The following NSMCE1 variants were observed in gnomAD, a reference collection of about 807,000 sequenced individuals.
The protein encoded by NSMCE1 is NSE1 component of SMC5/6 complex.
Under a neutral mutation model 29.6 loss-of-function variants are expected in NSMCE1, and 18 were observed. The observed-to-expected ratio is 0.61, with a 90% CI of 0.42 to 0.90. The LOEUF is 0.90. NSMCE1 is among the 40% of genes least tolerant of loss of function. NSMCE1 has a pLI of 0.00. For missense variants in NSMCE1, 314 were observed against 343.6 expected, an observed-to-expected ratio of 0.91 and a Z score of 0.68; for synonymous variants, 124 against 133.4, an observed-to-expected ratio of 0.93 and a Z score of 0.49.
intron 1 of NSMCE1, among the ~76,000 whole-genome samples, chr16:27,263,812 A>C (rs2084189948): frequency 6.6e-6 from 1 of 152,222 alleles, no homozygotes; most frequent in African/African-American, 2.4e-5. Flanking sequence ...TTATCTACTA[A>C]GTGACGTCTA....
chr16:27,251,885 T>A (rs1332200548), intron 2 of NSMCE1, among the ~76,000 whole-genome samples: 2 of 152,202 alleles, frequency 1.3e-5, no homozygotes, highest in African/African-American at 4.8e-5. Flanking sequence ...TGGTCCACCT[T>A]ATACTCCATT....
chr16:27,250,281 A>G (rs772532553), intron 2 of NSMCE1, among the ~76,000 whole-genome samples: 2 of 152,198 alleles, frequency 1.3e-5, no homozygotes, highest in Non-Finnish European at 2.9e-5. Context: ...CACTAGCTAG[A>G]ACAAAAGTGG....
rs2083772113 is a variant in NSMCE1, at chr16:27,232,451, G to A, written c.483+550C>T. Among the ~76,000 whole-genome samples, 1 of 152,176 alleles carries A rather than the reference G, an allele frequency of 6.6e-6. No individual in the cohort carries two copies. The highest frequency in any genetic ancestry group is 2.4e-5 in the African/African-American group (1 of 41,444). On this transcript the variant is annotated intron_variant, in intron 5 of 7. Transcript: ENST00000361439. This position sits in a 1 kb window ranked among gnomAD's most constrained non-coding sequence, Gnocchi z 4.5. ...CAGGTCTATGCCTCTTCTAAGCACT[G>A]GCCCTGAGGAACTCACTGCTGACAA... is the stretch of plus-strand genomic sequence containing the variant.
At chr16:27,260,382 T>C (rs1360067151) in intron 1 of NSMCE1, among the ~76,000 whole-genome samples, 1 of 151,896 alleles carries the variant, frequency 6.6e-6, no homozygotes, top group East Asian at 1.9e-4. Context: ...ATAGTGTATA[T>C]AATTTCCAAA....
intron 5 of NSMCE1, 54 bp from the exon 6 acceptor site, chr16:27,226,890 C>A: frequency 9.3e-7 from 1 of 1,076,424 alleles, no homozygotes. Context: ...TCCCCATTCA[C>A]CACCTCTCTT....
intron 1 of NSMCE1, among the ~76,000 whole-genome samples, chr16:27,264,799 C>T (rs2084202746): frequency 6.6e-6 from 1 of 152,020 alleles, no homozygotes; most frequent in Admixed American, 6.6e-5. Context: ...AATTAAGGGC[C>T]TCTATTCACC....
At chr16:27,257,077 A>G (rs2084095720) in intron 2 of NSMCE1, among the ~76,000 whole-genome samples, 1 of 152,060 alleles carries the variant, frequency 6.6e-6, no homozygotes, top group Non-Finnish European at 1.5e-5. Flanking sequence ...TCTTGTACAT[A>G]TCATGTCTCT....
At chr16:27,229,111 G>A (rs1261976374) in intron 5 of NSMCE1, among the ~76,000 whole-genome samples, 2 of 152,142 alleles carry the variant, frequency 1.3e-5, no homozygotes, top group East Asian at 1.9e-4. Context: ...GCTGCCCTCC[G>A]TCTGCTCGCC....
chr16:27,232,634 A>C lies in NSMCE1; in HGVS notation c.483+367T>G, dbSNP rs572883134. Among the ~76,000 whole-genome samples the C allele has an allele frequency of 6.6e-6, 1 of 152,394 alleles. No homozygotes were observed. Among genetic ancestry groups the C allele is most frequent in the Non-Finnish European group, 1.5e-5 (1 of 68,044 alleles). On this transcript the variant is annotated intron_variant, in intron 5 of 7. Transcript: ENST00000361439. This position sits in a 1 kb window ranked among gnomAD's most constrained non-coding sequence, Gnocchi z 4.5. ...CCCCTCTTACAAGGAACATGAGGTCACCTGGCTCAGGGTTCAGACCCGGGT... is the reference window on the plus strand; with the variant it reads ...CCCCTCTTACAAGGAACATGAGGTCCCCTGGCTCAGGGTTCAGACCCGGGT...
chr16:27,260,858 C>CACAAAAAAAAAA lies in NSMCE1; in HGVS notation c.-11-3278_-11-3277insTTTTTTTTTTGT, dbSNP rs761029399. Among the ~76,000 whole-genome samples, 38 of 87,964 alleles carry CACAAAAAAAAAA rather than the reference C, an allele frequency of 4.3e-4. 1 individual carries two copies. Among genetic ancestry groups the CACAAAAAAAAAA allele is most frequent in the Non-Finnish European group, 7.9e-4 (35 of 44,362 alleles). 57.7% of individuals were successfully genotyped at this position (87,964 alleles called of 152,430 possible). A position where few individuals can be genotyped will look rare whatever the true frequency, so the allele number is the denominator to read the frequency against. ...TGGGCAACAGAGTGAGACCCTGTCT[C>CACAAAAAAAAAA]AAAAAAAAAAAAAAAAAGGTTGCGG... On this transcript the variant is annotated intron_variant, in intron 1 of 7. Coordinates refer to ENST00000361439, the MANE Select transcript of NSMCE1 (RefSeq NM_145080.4).
intron 2 of NSMCE1, among the ~76,000 whole-genome samples, chr16:27,255,766 C>G (rs751505600): frequency 1.2e-4 from 18 of 152,246 alleles, no homozygotes; most frequent in Non-Finnish European, 2.4e-4. Flanking sequence ...TTCCCATTCA[C>G]TGCTCACCTC....
At chr16:27,229,415 G>A (rs1364650039) in intron 5 of NSMCE1, among the ~76,000 whole-genome samples, 1 of 152,214 alleles carries the variant, frequency 6.6e-6, no homozygotes, top group African/African-American at 2.4e-5. Context: ...AGCTCTGGCT[G>A]TGCTCACTCC....
Position 27,245,217 on chromosome 16 carries a change from C to A in NSMCE1, c.137-9918G>T, listed in dbSNP as rs112838979. 7.9e-3 allele frequency among the ~76,000 whole-genome samples: 1,207 copies of A among 152,338 alleles called. 9 individuals carry two copies. The highest frequency in any genetic ancestry group is 0.027 in the African/African-American group (1,126 of 41,574). On this transcript the variant is annotated intron_variant, in intron 2 of 7. Transcript: ENST00000361439. ...GAAATGAATGTGATGTCCCTTATAACACAGAAAGCTGAGACTCAGAAAAGT... is the reference window on the plus strand; with the variant it reads ...GAAATGAATGTGATGTCCCTTATAAAACAGAAAGCTGAGACTCAGAAAAGT...
chr16:27,257,611 C>G, intron 1 of NSMCE1, 30 bp from the exon 2 acceptor site: 1 of 1,570,410 alleles, frequency 6.4e-7, no homozygotes, highest in South Asian at 1.2e-5. Flanking sequence ...CACTAGTCAA[C>G]CCCAAGCACA....
chr16:27,253,649 A>C (rs561885822), intron 2 of NSMCE1, among the ~76,000 whole-genome samples: 1 of 152,266 alleles, frequency 6.6e-6, no homozygotes, highest in East Asian at 1.9e-4. Context: ...CCTATATTGG[A>C]ATCATCTGAC....
At chr16:27,228,309 C>T (rs924662558) in intron 5 of NSMCE1, among the ~76,000 whole-genome samples, 3 of 152,118 alleles carry the variant, frequency 2.0e-5, no homozygotes, top group Non-Finnish European at 4.4e-5. Context: ...GCACCAGGTG[C>T]TTGTGCCCTG....
intron 2 of NSMCE1, among the ~76,000 whole-genome samples, chr16:27,240,773 T>C (rs985072118): frequency 2.0e-5 from 3 of 152,214 alleles, no homozygotes; most frequent in African/African-American, 7.2e-5. Context: ...CTCCTTTTCT[T>C]TTAAAATTAA....
chr16:27,239,103 C>T lies in NSMCE1; in HGVS notation c.137-3804G>A, dbSNP rs546254184. ...GCTGGTCTGGTCTCAAACTCCTGAC[C>T]TCAAGTGATCTGCCCACCTGTCTCC... On this transcript the variant is annotated intron_variant, in intron 2 of 7. Coordinates refer to ENST00000361439, the MANE Select transcript of NSMCE1 (RefSeq NM_145080.4). Among the ~76,000 whole-genome samples the T allele has an allele frequency of 6.6e-5, 10 of 152,266 alleles. No homozygotes were observed. In the East Asian group the frequency reaches 1.9e-3, roughly 29 times the overall value.
At chr16:27,253,024 A>G (rs1413452705) in intron 2 of NSMCE1, among the ~76,000 whole-genome samples, 1 of 152,202 alleles carries the variant, frequency 6.6e-6, no homozygotes, top group Admixed American at 6.5e-5. Context: ...GCAAGTAGAG[A>G]GGGCACGGAA....
Sources: gnomAD v4.1 joint callset for allele counts (sites outside exome capture counted in the v4.1 genomes callset) on GRCh38, gnomAD v4.1.1 for gene constraint, Gnocchi (gnomAD v3.1) non-coding constraint, MANE v1.5 for transcripts, NCBI Gene and HGNC (gene_info 2026-07-23, HGNC 2026-07-21) for gene names.